Variants in TMEM117 observed in about 807,000 individuals in gnomAD.
TMEM117 encodes transmembrane protein 117.
TMEM117 carries 27 observed loss-of-function variants against 52.4 expected under a neutral mutation model. The observed-to-expected ratio is 0.51, with a 90% CI of 0.38 to 0.71. The LOEUF is 0.71. Ranked by LOEUF, TMEM117 falls within the 30% of genes least tolerant of loss-of-function variation. The pLI is 0.00. For missense variants in TMEM117, 556 were observed against 630.5 expected, an observed-to-expected ratio of 0.88 and a Z score of 1.26; for synonymous variants, 215 against 206.3, an observed-to-expected ratio of 1.04 and a Z score of -0.36.
intron 2 of TMEM117, among the ~76,000 whole-genome samples, chr12:43,881,565 G>A (rs191190261): frequency 4.0e-5 from 6 of 151,236 alleles, no homozygotes; most frequent in East Asian, 3.9e-4. Context: ...CAAGGCCAGC[G>A]GATCACCTAA....
At chr12:44,312,828 TG>T (rs2138676338) in intron 6 of TMEM117, among the ~76,000 whole-genome samples, 1 of 152,340 alleles carries the variant, frequency 6.6e-6, no homozygotes, top group African/African-American at 2.4e-5. Flanking sequence ...TATCTCATTG[TG>T]GTTTTGATTT....
chr12:43,877,166 AAGAAAAATGCCT>A (rs1342310384), intron 2 of TMEM117, among the ~76,000 whole-genome samples: 1 of 152,184 alleles, frequency 6.6e-6, no homozygotes, highest in African/African-American at 2.4e-5. Context: ...CAATATATTT[AAGAAAAATGCCT>A]AGAATTAGAA....
At chr12:44,007,530 A>G (rs1424422868) in intron 3 of TMEM117, among the ~76,000 whole-genome samples, 1 of 152,102 alleles carries the variant, frequency 6.6e-6, no homozygotes, top group African/African-American at 2.4e-5. Context: ...CTTCATTACA[A>G]TGGTCCCTCC....
intron 3 of TMEM117, among the ~76,000 whole-genome samples, chr12:44,116,130 C>G (rs1304110001): frequency 6.6e-6 from 1 of 152,166 alleles, no homozygotes; most frequent in African/African-American, 2.4e-5. Flanking sequence ...AGATATATTT[C>G]AATTCTTAAT....
rs1305843332 is a variant in TMEM117 at position 44,281,774 on chromosome 12, A to G, written c.609-17806A>G. Among the ~76,000 whole-genome samples, 4 of 152,230 alleles carry G rather than the reference A, an allele frequency of 2.6e-5. No homozygotes were observed. The East Asian group carries it at 7.7e-4, about 29-fold the overall frequency. On this transcript the variant is annotated intron_variant, in intron 5 of 7. Transcript: ENST00000266534. ...TTTCACTACATGAATAATAATGGATATAGTTCTTCCTGGCATTGTCTGTAT... is the reference window on the plus strand; with the variant it reads ...TTTCACTACATGAATAATAATGGATGTAGTTCTTCCTGGCATTGTCTGTAT...
Position 43,844,935 on chromosome 12 carries a change from A to T in TMEM117, c.277+7A>T, listed in dbSNP as rs750184559. 1 of 1,597,506 alleles carries T rather than the reference A, an allele frequency of 6.3e-7. No homozygotes were observed. The highest frequency in any genetic ancestry group is 8.5e-7 in the Non-Finnish European group (1 of 1,175,398). On this transcript the variant is annotated splice_region_variant and intron_variant, in intron 2 of 7. Transcript: ENST00000266534. ...TTCCATCAGCGTTTGTTTGGTAAGT[A>T]CCATGACCCATGAAATGTAATATCA... is the stretch of plus-strand genomic sequence containing the variant.
At chr12:43,806,405 C>T in the TMEM117 span, 5 of 1,156,204 alleles carry the variant, frequency 4.3e-6, no homozygotes, top group African/African-American at 3.3e-5. Context: ...CCGAGCGTCC[C>T]CGCCGCCCCG....
At chr12:44,386,384 A>G (rs963841379) in intron 7 of TMEM117, among the ~76,000 whole-genome samples, 5 of 152,144 alleles carry the variant, frequency 3.3e-5, no homozygotes, top group Middle Eastern at 3.2e-3. Flanking sequence ...AACATTCCCA[A>G]TGTTCAAAAT....
intron 2 of TMEM117, among the ~76,000 whole-genome samples, chr12:43,880,988 C>T (rs1214354499): frequency 6.6e-6 from 1 of 152,126 alleles, no homozygotes; most frequent in African/African-American, 2.4e-5. Context: ...AATTCTAACT[C>T]ACAGAGCTGG....
the TMEM117 span, among the ~76,000 whole-genome samples, chr12:43,825,547 G>A: frequency 6.6e-6 from 1 of 152,038 alleles, no homozygotes; most frequent in African/African-American, 2.4e-5. Flanking sequence ...TCTGTGTTTG[G>A]TTGGCAAATC....
chr12:43,803,763 A>G, the TMEM117 span, among the ~76,000 whole-genome samples: 2 of 152,140 alleles, frequency 1.3e-5, no homozygotes, highest in Admixed American at 6.5e-5. Flanking sequence ...TATTTTTTAT[A>G]TAAGCAGAAA....
intron 2 of TMEM117, among the ~76,000 whole-genome samples, chr12:43,859,957 G>A (rs190724387): frequency 3.9e-5 from 6 of 152,260 alleles, no homozygotes; most frequent in African/African-American, 1.4e-4. Context: ...CACTAGAAGA[G>A]ACTTTAAGAA....
At chr12:44,169,251 G>A (rs1380947915) in intron 4 of TMEM117, among the ~76,000 whole-genome samples, 2 of 152,100 alleles carry the variant, frequency 1.3e-5, no homozygotes, top group Non-Finnish European at 2.9e-5. Flanking sequence ...GTAATTCTAT[G>A]TTTAATTTTT....
chr12:43,989,602 C>G (rs547087951), intron 3 of TMEM117, among the ~76,000 whole-genome samples: 14 of 152,000 alleles, frequency 9.2e-5, no homozygotes, highest in African/African-American at 3.4e-4. Flanking sequence ...GATCGATGAC[C>G]TCTTTTAATT....
At chr12:43,885,687 AG>A (rs1203551005) in intron 2 of TMEM117, among the ~76,000 whole-genome samples, 2 of 152,166 alleles carry the variant, frequency 1.3e-5, no homozygotes, top group African/African-American at 4.8e-5. Context: ...TAAATAAAAA[AG>A]CTTTAACCTT....
the TMEM117 span, among the ~76,000 whole-genome samples, chr12:43,798,924 A>G: frequency 5.3e-5 from 8 of 152,046 alleles, no homozygotes; most frequent in Non-Finnish European, 1.0e-4. Flanking sequence ...AAATTTATTG[A>G]CTCTAATATG....
Position 43,840,039 on chromosome 12 carries a change from C to T in TMEM117, c.-29+3843C>T, listed in dbSNP as rs574078702. 5.9e-5 allele frequency among the ~76,000 whole-genome samples: 9 copies of T among 152,264 alleles called. No individual in the cohort carries two copies. In the East Asian group the frequency reaches 1.4e-3, roughly 23 times the overall value. On this transcript the variant is annotated intron_variant, in intron 1 of 7. Transcript: ENST00000266534. ...GATACATCTCTACATCAGCCCCAGG[C>T]GGTTTCCTTTGTGCCTTTGCACAAA...
intron 3 of TMEM117, among the ~76,000 whole-genome samples, chr12:44,048,183 G>C (rs535637680): frequency 1.3e-4 from 20 of 152,148 alleles, no homozygotes; most frequent in African/African-American, 4.1e-4. Flanking sequence ...TATAGTTAGA[G>C]ATTTTGTAGT....
intron 4 of TMEM117, among the ~76,000 whole-genome samples, chr12:44,160,331 T>C (rs1018962661): frequency 6.6e-6 from 1 of 152,058 alleles, no homozygotes; most frequent in African/African-American, 2.4e-5. Context: ...TTAATATATA[T>C]CCATATTTCT....
Sources: allele counts gnomAD v4.1 joint callset (sites outside exome capture counted in the v4.1 genomes callset), GRCh38; gene constraint gnomAD v4.1.1; transcripts MANE v1.5; gene names NCBI Gene and HGNC (gene_info 2026-07-23, HGNC 2026-07-21).